The following ZDHHC8 variants were observed in gnomAD, a reference collection of about 807,000 sequenced individuals.
ZDHHC8 encodes zDHHC palmitoyltransferase 8.
Under a neutral mutation model 61.2 loss-of-function variants are expected in ZDHHC8, and 24 were observed. The observed-to-expected ratio is 0.39, with a 90% CI of 0.28 to 0.55. The LOEUF (loss-of-function observed/expected upper bound fraction) is 0.55. ZDHHC8 is among the 20% of genes least tolerant of loss of function. The pLI is 0.60. For missense variants in ZDHHC8, 935 were observed against 1,102.1 expected, an observed-to-expected ratio of 0.85 and a Z score of 2.15; for synonymous variants, 523 against 492.5, an observed-to-expected ratio of 1.06 and a Z score of -0.82.
rs1450237804 is a variant in ZDHHC8, at chr22:20,146,350, C to G, written c.*950C>G. The G allele has an allele frequency of 1.0e-6, 1 of 985,526 alleles. No homozygotes were observed. The highest frequency in any genetic ancestry group is 1.7e-5 in the African/African-American group (1 of 57,226). The allele number at this position is 985,526 out of a possible 1,614,324, so 61.0% of individuals were successfully genotyped here. ...TCAGTGCTTCCCTTGGTGTCAGGGA[C>G]CTGAGAGTAAGCACATGACAGCGTC... On this transcript the variant is annotated 3_prime_UTR_variant, in exon 11 of 11. Transcript: ENST00000334554.
chr22:20,147,365 T>G lies in ZDHHC8; in HGVS notation c.*1965T>G. 1.1e-6 allele frequency: 1 copy of G among 929,242 alleles called. No homozygotes were observed. The highest frequency in any genetic ancestry group is 1.5e-6 in the Non-Finnish European group (1 of 664,088). The allele number at this position is 929,242 out of a possible 1,614,324, so 57.6% of individuals were successfully genotyped here. A position where few individuals can be genotyped will look rare whatever the true frequency, so the allele number is the denominator to read the frequency against. ...GCTCCACCAGCCACAGCTTGACAGATTCCCAGCCTGCCAGGGCCTGAGACC... is the reference window on the plus strand; with the variant it reads ...GCTCCACCAGCCACAGCTTGACAGAGTCCCAGCCTGCCAGGGCCTGAGACC... On this transcript the variant is annotated 3_prime_UTR_variant, in exon 11 of 11. Coordinates refer to ENST00000334554, the MANE Select transcript of ZDHHC8 (RefSeq NM_013373.4).
chr22:20,137,176 G>A (rs1165926600), intron 1 of ZDHHC8, among the ~76,000 whole-genome samples: 4 of 152,246 alleles, frequency 2.6e-5, no homozygotes, highest in Non-Finnish European at 5.9e-5. Context: ...GGAGGGACCC[G>A]GTCACACTGC....
chr22:20,136,801 A>G (rs1042131509), intron 1 of ZDHHC8, among the ~76,000 whole-genome samples: 3 of 152,128 alleles, frequency 2.0e-5, no homozygotes, highest in Non-Finnish European at 4.4e-5. Flanking sequence ...CTGTGTGTTT[A>G]TGTGTGTACA....
chr22:20,135,630 G>T (rs1439320618), intron 1 of ZDHHC8, among the ~76,000 whole-genome samples: 1 of 152,254 alleles, frequency 6.6e-6, no homozygotes, highest in East Asian at 1.9e-4. Context: ...CTGAACTGCT[G>T]ACTGGGACCT....
At chr22:20,140,587 C>A in intron 5 of ZDHHC8, 30 bp from the exon 6 acceptor site, 1 of 1,565,358 alleles carries the variant, frequency 6.4e-7, no homozygotes. Flanking sequence ...CCTTGGGAGG[C>A]CAGGCTGGCT....
At position 20,147,003 on chromosome 22, in the gene ZDHHC8, G is replaced by T. The variant is rs2050532628; in HGVS notation, c.*1603G>T. Reference sequence around the variant, plus strand: ...CTCCACCTTTCTGCTTCTCTCTCACGGACGCCGCGGCCCGCAGGGGGCGGA... The same window carrying T: ...CTCCACCTTTCTGCTTCTCTCTCACTGACGCCGCGGCCCGCAGGGGGCGGA... On this transcript the variant is annotated 3_prime_UTR_variant, in exon 11 of 11. Coordinates refer to ENST00000334554, the MANE Select transcript of ZDHHC8 (RefSeq NM_013373.4). The T allele has an allele frequency of 5.7e-6, 8 of 1,397,434 alleles. No individual in the cohort carries two copies. The South Asian group carries it at 1.3e-4, about 23-fold the overall frequency. The allele number at this position is 1,397,434 out of a possible 1,614,324, so 86.6% of individuals were successfully genotyped here. A position where few individuals can be genotyped will look rare whatever the true frequency, so the allele number is the denominator to read the frequency against.
At chr22:20,137,160 T>G (rs2050428518) in intron 1 of ZDHHC8, among the ~76,000 whole-genome samples, 2 of 152,220 alleles carry the variant, frequency 1.3e-5, no homozygotes, top group Non-Finnish European at 2.9e-5. Context: ...GTACCCGCAC[T>G]GGGCAGGAGG....
chr22:20,139,429 C>G (rs764145697), intron 2 of ZDHHC8, 49 bp from the exon 3 acceptor site: 7 of 1,607,140 alleles, frequency 4.4e-6, no homozygotes, highest in Non-Finnish European at 6.0e-6. Flanking sequence ...AGGGATTCAC[C>G]TGCCAGGAAA....
At chr22:20,133,952 G>T (rs146935274) in intron 1 of ZDHHC8, among the ~76,000 whole-genome samples, 1 of 152,138 alleles carries the variant, frequency 6.6e-6, no homozygotes, top group Non-Finnish European at 1.5e-5. Context: ...CTGTGAACCT[G>T]ACCCAGCCCT....
At position 20,139,324 on chromosome 22, in the gene ZDHHC8, C is replaced by G. The variant is rs946555851; in HGVS notation, c.226+9C>G. ...TGGTGTTTTCCCCCGAGGTAGGGCC[C>G]TGTGCTGCGGCAGCTCCTCTCACTT... On this transcript the variant is annotated intron_variant, in intron 2 of 10. Transcript: ENST00000334554. 1 of 1,612,610 alleles carries G rather than the reference C, an allele frequency of 6.2e-7. No individual in the cohort carries two copies.
chr22:20,140,505 C>A, intron 5 of ZDHHC8, 112 bp from the exon 6 acceptor site: 1 of 1,176,658 alleles, frequency 8.5e-7, no homozygotes, highest in Non-Finnish European at 1.2e-6. Flanking sequence ...CCACCTAAGC[C>A]ACTTCCCGCA....
chr22:20,142,875 G>T lies in ZDHHC8; in HGVS notation c.1245G>T (p.Pro415=). 1.2e-6 allele frequency: 2 copies of T among 1,611,894 alleles called. No individual in the cohort carries two copies. The highest frequency in any genetic ancestry group is 1.7e-6 in the Non-Finnish European group (2 of 1,179,722). Residue 415 remains proline (P), a synonymous_variant, in exon 10 of 11, where the codon CCG becomes CCT. Coordinates refer to ENST00000334554, the MANE Select transcript of ZDHHC8 (RefSeq NM_013373.4). ...YGPGGLHAAY[P]PSPPLSASDA... is the part of the protein sequence containing the mutation. ...CAGGGGGCCTGCATGCAGCCTACCC[G>T]CCATCCCCACCGCTCAGCGCCTCTG...
chr22:20,145,402 G>T lies in ZDHHC8; in HGVS notation c.*2G>T, dbSNP rs774809373. 4 of 1,526,132 alleles carry T rather than the reference G, an allele frequency of 2.6e-6. No individual in the cohort carries two copies. The highest frequency in any genetic ancestry group is 2.5e-5 in the South Asian group (2 of 81,482). 94.5% of individuals were successfully genotyped at this position (1,526,132 alleles called of 1,614,324 possible). On this transcript the variant is annotated 3_prime_UTR_variant, in exon 11 of 11. Coordinates refer to ENST00000334554, the MANE Select transcript of ZDHHC8 (RefSeq NM_013373.4). ...ACCACCTACGAGATCTCGGTGTGAG[G>T]ACTGACTGCCACACATCCGCCATGG...
chr22:20,133,721 CAAAAAAA>C (rs34467871), intron 1 of ZDHHC8, among the ~76,000 whole-genome samples: 95 of 72,634 alleles, frequency 1.3e-3, no homozygotes, highest in Middle Eastern at 0.019. Context: ...GACTCTGTCT[CAAAAAAA>C]AAAAAAAAAA....
In ZDHHC8 at chr22:20,146,337, T is replaced by G; in HGVS notation, c.*937T>G. The G allele has an allele frequency of 3.0e-6, 3 of 985,648 alleles. No homozygotes were observed. The highest frequency in any genetic ancestry group is 1.1e-4 in the East Asian group (1 of 8,822). The allele number at this position is 985,648 out of a possible 1,614,324, so 61.1% of individuals were successfully genotyped here. A position where few individuals can be genotyped will look rare whatever the true frequency, so the allele number is the denominator to read the frequency against. On this transcript the variant is annotated 3_prime_UTR_variant, in exon 11 of 11. Coordinates refer to ENST00000334554, the MANE Select transcript of ZDHHC8 (RefSeq NM_013373.4). ...CACTGGGGAGGGGTCAGTGCTTCCC[T>G]TGGTGTCAGGGACCTGAGAGTAAGC...
At chr22:20,132,915 AC>A (rs2050389766) in intron 1 of ZDHHC8, among the ~76,000 whole-genome samples, 1 of 151,228 alleles carries the variant, frequency 6.6e-6, no homozygotes. Context: ...TCAACCACCC[AC>A]CCCCCTTCCA....
At chr22:20,138,649 G>A (rs1328249647) in intron 1 of ZDHHC8, among the ~76,000 whole-genome samples, 1 of 152,130 alleles carries the variant, frequency 6.6e-6, no homozygotes, top group African/African-American at 2.4e-5. Flanking sequence ...TGGGGAGGGA[G>A]GTGACAAACT....
At chr22:20,132,281 C>T (rs551517733) in intron 1 of ZDHHC8, among the ~76,000 whole-genome samples, 5 of 152,298 alleles carry the variant, frequency 3.3e-5, no homozygotes, top group East Asian at 1.9e-4. Flanking sequence ...GACACCAGTG[C>T]GGGCTGGGCA....
Position 20,147,467 on chromosome 22 carries a change from C to T in ZDHHC8, c.*2067C>T. ...ACCCCACAGGGGGGCAGTCCCAGAG[C>T]TGTGGGGACCGGCACGACCTTTGCC... On this transcript the variant is annotated 3_prime_UTR_variant, in exon 11 of 11. Transcript: ENST00000334554. 1 of 383,940 alleles carries T rather than the reference C, an allele frequency of 2.6e-6. No homozygotes were observed. The highest frequency in any genetic ancestry group is 4.7e-5 in the Admixed American group (1 of 21,216). 23.8% of individuals were successfully genotyped at this position (383,940 alleles called of 1,614,324 possible).
Sources: gnomAD v4.1 joint callset for allele counts (sites outside exome capture counted in the v4.1 genomes callset) on GRCh38, gnomAD v4.1.1 for gene constraint, MANE v1.5 for transcripts, NCBI Gene and HGNC (gene_info 2026-07-23, HGNC 2026-07-21) for gene names.